The following GPHN variants were observed in gnomAD, a reference collection of about 807,000 sequenced individuals.
GPHN encodes the protein gephyrin.
GPHN carries 17 observed loss-of-function variants against 95.5 expected under a neutral mutation model. The observed-to-expected ratio is 0.18, with a 90% CI of 0.12 to 0.27. The LOEUF is 0.27. GPHN is among the 10% of genes least tolerant of loss of function. The pLI, the probability that GPHN is intolerant of heterozygous loss-of-function variation, is 1.00. For synonymous variants in GPHN, 320 were observed against 322.5 expected (o/e 0.99, Z 0.08); for missense variants, 660 against 978.1 (o/e 0.67, Z 4.34).
intron 9 of GPHN, among the ~76,000 whole-genome samples, chr14:67,003,719 G>C (rs888663979): frequency 6.6e-6 from 1 of 151,660 alleles, no homozygotes; most frequent in Admixed American, 6.6e-5. Context: ...ACTTTATATA[G>C]TGTGATATTA....
chr14:67,000,642 A>G (rs754785473), intron 9 of GPHN, among the ~76,000 whole-genome samples: 6 of 151,664 alleles, frequency 4.0e-5, no homozygotes, highest in Non-Finnish European at 8.9e-5. Context: ...TCTTTTGAAA[A>G]CACTACAACT....
At chr14:66,737,327 T>A (rs1037991911) in intron 2 of GPHN, among the ~76,000 whole-genome samples, 1 of 152,178 alleles carries the variant, frequency 6.6e-6, no homozygotes, top group African/African-American at 2.4e-5. Context: ...CCCATGCACA[T>A]GGGATACTGT....
intron 2 of GPHN, among the ~76,000 whole-genome samples, chr14:66,690,086 C>G (rs2153406084): frequency 6.6e-6 from 1 of 151,330 alleles, no homozygotes; most frequent in South Asian, 2.1e-4. Context: ...TCTACTAATT[C>G]TTACAGTTTG....
the GPHN span, among the ~76,000 whole-genome samples, chr14:67,474,303 AC>A: frequency 1.3e-5 from 2 of 150,890 alleles, no homozygotes; most frequent in Non-Finnish European, 3.0e-5. Flanking sequence ...TAACCCACCC[AC>A]CCCACTGACT....
At chr14:66,967,625 T>C (rs535125211) in intron 9 of GPHN, among the ~76,000 whole-genome samples, 7 of 152,038 alleles carry the variant, frequency 4.6e-5, no homozygotes, top group African/African-American at 1.7e-4. Flanking sequence ...AACATTTCCT[T>C]TGTGCTAAAA....
At chr14:67,229,714 A>G in the GPHN span, among the ~76,000 whole-genome samples, 1 of 152,198 alleles carries the variant, frequency 6.6e-6, no homozygotes, top group East Asian at 1.9e-4. Context: ...AAATGATAAT[A>G]TTTGAATATA....
intron 10 of GPHN, among the ~76,000 whole-genome samples, chr14:67,053,918 C>T (rs1404960316): frequency 6.6e-6 from 1 of 152,208 alleles, no homozygotes; most frequent in African/African-American, 2.4e-5. Context: ...AACTTCCCTT[C>T]ATGTTAAAAA....
At chr14:67,358,170 A>C in the GPHN span, among the ~76,000 whole-genome samples, 1 of 152,120 alleles carries the variant, frequency 6.6e-6, no homozygotes, top group Non-Finnish European at 1.5e-5. Context: ...ACTAGTGTCG[A>C]TGTCTTTCAG....
intron 2 of GPHN, among the ~76,000 whole-genome samples, chr14:66,711,429 C>T (rs1411149204): frequency 1.3e-5 from 2 of 151,998 alleles, no homozygotes; most frequent in African/African-American, 4.8e-5. Flanking sequence ...GTTTCTTTAT[C>T]CACTTGTTGA....
the GPHN span, among the ~76,000 whole-genome samples, chr14:67,206,518 A>C: frequency 5.3e-5 from 8 of 152,152 alleles, no homozygotes; most frequent in Non-Finnish European, 1.2e-4. Context: ...AACAAACAAA[A>C]AAACCTAATT....
intron 9 of GPHN, among the ~76,000 whole-genome samples, chr14:66,988,581 G>A (rs2071185093): frequency 6.6e-6 from 1 of 151,984 alleles, no homozygotes; most frequent in Admixed American, 6.6e-5. Context: ...AAAATTAGCA[G>A]TAAGTACCTT....
chr14:66,654,090 CTA>C (rs2065187010), intron 1 of GPHN, among the ~76,000 whole-genome samples: 1 of 152,038 alleles, frequency 6.6e-6, no homozygotes, highest in Admixed American at 6.6e-5. Context: ...TTTTTAGTCA[CTA>C]TTTTAAAAAA....
the GPHN span, among the ~76,000 whole-genome samples, chr14:67,688,422 G>C: frequency 2.0e-5 from 3 of 152,172 alleles, no homozygotes; most frequent in African/African-American, 7.2e-5. Context: ...TACTGTGTTG[G>C]AGTTTCAGTT....
intron 2 of GPHN, among the ~76,000 whole-genome samples, chr14:66,759,173 A>T (rs1728357898): frequency 6.6e-6 from 1 of 152,210 alleles, no homozygotes; most frequent in African/African-American, 2.4e-5. Context: ...AGCCGAGCCC[A>T]GCCATGGGTT....
the GPHN span, among the ~76,000 whole-genome samples, chr14:67,299,450 A>G: frequency 6.6e-6 from 1 of 152,198 alleles, no homozygotes; most frequent in African/African-American, 2.4e-5. Flanking sequence ...AACATACATC[A>G]TTTTTATAAT....
intron 2 of GPHN, among the ~76,000 whole-genome samples, chr14:66,758,015 C>T (rs1304896175): frequency 6.6e-6 from 1 of 152,062 alleles, no homozygotes; most frequent in South Asian, 2.1e-4. Context: ...TGGTCCTGGG[C>T]CTTTTATGGA....
intron 4 of GPHN, among the ~76,000 whole-genome samples, chr14:66,845,710 C>T (rs1212378828): frequency 6.6e-6 from 1 of 152,074 alleles, no homozygotes; most frequent in Non-Finnish European, 1.5e-5. Context: ...TATACTCAGC[C>T]TTCTACCACT....
At chr14:67,111,774 GC>G (rs2078389344) in intron 14 of GPHN, 86 bp from the exon 15 acceptor site, 1 of 936,338 alleles carries the variant, frequency 1.1e-6, no homozygotes, top group South Asian at 1.3e-5. Context: ...TATATCCTGG[GC>G]CTATCTGATG....
the GPHN span, among the ~76,000 whole-genome samples, chr14:67,242,865 A>C: frequency 6.6e-6 from 1 of 152,264 alleles, no homozygotes; most frequent in South Asian, 2.1e-4. Flanking sequence ...GGATTGATTA[A>C]CATTAATTTG....
Sources: allele counts gnomAD v4.1 joint callset (sites outside exome capture counted in the v4.1 genomes callset), GRCh38; gene constraint gnomAD v4.1.1; transcripts MANE v1.5; gene names NCBI Gene and HGNC (gene_info 2026-07-23, HGNC 2026-07-21).